TRPC5: variants seen among roughly 807,000 people sequenced by gnomAD.
TRPC5 encodes the protein transient receptor potential cation channel subfamily C member 5.
In TRPC5, 9 loss-of-function variants were observed where a neutral mutation model predicts 56.5. The observed-to-expected ratio is 0.16, with a 90% CI of 0.10 to 0.28. The LOEUF is 0.28. Among genes scored for constraint, TRPC5 ranks in the 10% least tolerant of loss-of-function variants. The probability of loss-of-function intolerance (pLI) is 1.00; values close to 1 mark genes in which losing one functional copy is unlikely to be tolerated. For synonymous variants in TRPC5, 282 were observed against 278.5 expected, an observed-to-expected ratio of 1.01 and a Z score of -0.13; for missense variants, 469 against 748.9, an observed-to-expected ratio of 0.63 and a Z score of 4.36.
chrX:111,821,852 A>G (rs894736079), intron 7 of TRPC5, among the ~76,000 whole-genome samples: 1 of 111,438 alleles, frequency 9.0e-6, no homozygotes, highest in African/African-American at 3.3e-5. Context: ...GACCAATTTA[A>G]GTAGGAAGGC....
At chrX:112,033,546 A>C (rs891419827) in intron 1 of TRPC5, among the ~76,000 whole-genome samples, 20 of 106,226 alleles carry the variant, frequency 1.9e-4, no homozygotes, top group African/African-American at 6.8e-4. Flanking sequence ...ATGAAGTCCA[A>C]ATTATTTATG....
At chrX:112,010,978 A>G in intron 1 of TRPC5, among the ~76,000 whole-genome samples, 1 of 112,122 alleles carries the variant, frequency 8.9e-6, no homozygotes, top group Middle Eastern at 4.6e-3. Flanking sequence ...AGGGGAGAGC[A>G]TGAGCAGTGT....
chrX:112,049,914 G>A (rs763383581), intron 1 of TRPC5, among the ~76,000 whole-genome samples: 16 of 112,360 alleles, frequency 1.4e-4, no homozygotes, highest in Non-Finnish European at 2.4e-4. Flanking sequence ...GGTGGCTCAC[G>A]CCTGTAATGC....
chrX:111,976,747 C>T (rs893097796), intron 1 of TRPC5, among the ~76,000 whole-genome samples: 1 of 110,992 alleles, frequency 9.0e-6, no homozygotes, highest in African/African-American at 3.3e-5. Flanking sequence ...ACAGAATTCA[C>T]ACACAAAAAA....
At chrX:111,959,859 G>T (rs1432780410) in intron 1 of TRPC5, among the ~76,000 whole-genome samples, 1 of 111,389 alleles carries the variant, frequency 9.0e-6, no homozygotes, top group Non-Finnish European at 1.9e-5. Context: ...CAGCCAGGAT[G>T]ATGTATCATA....
At chrX:112,044,777 G>A (rs1179015905) in intron 1 of TRPC5, among the ~76,000 whole-genome samples, 1 of 111,574 alleles carries the variant, frequency 9.0e-6, no homozygotes, top group Non-Finnish European at 1.9e-5. Flanking sequence ...CAGAATCCTC[G>A]CTAGCCTGTA....
chrX:111,939,360 C>CT (rs898489861), intron 2 of TRPC5, among the ~76,000 whole-genome samples: 11 of 110,896 alleles, frequency 9.9e-5, no homozygotes, highest in East Asian at 2.8e-4. Flanking sequence ...TTGTAGTTTT[C>CT]TTTTTTTGAT....
intron 1 of TRPC5, among the ~76,000 whole-genome samples, chrX:112,067,775 A>T (rs1434084227): frequency 8.9e-6 from 1 of 112,105 alleles, no homozygotes; most frequent in African/African-American, 3.2e-5. Flanking sequence ...TGGCAGGTGC[A>T]TTAAATGCTC....
chrX:111,975,151 A>G (rs924765297), intron 1 of TRPC5, among the ~76,000 whole-genome samples: 1 of 111,247 alleles, frequency 9.0e-6, no homozygotes, highest in African/African-American at 3.3e-5. Flanking sequence ...ACTGCTTGCC[A>G]GGGAATTGAG....
intron 7 of TRPC5, among the ~76,000 whole-genome samples, chrX:111,827,558 C>T (rs1569525994): frequency 9.0e-6 from 1 of 111,550 alleles, no homozygotes; most frequent in Non-Finnish European, 1.9e-5. Context: ...ACCAAAAAAC[C>T]TGGATGACAT....
chrX:111,992,818 G>C (rs1426608745), intron 1 of TRPC5, among the ~76,000 whole-genome samples: 1 of 109,858 alleles, frequency 9.1e-6, no homozygotes, highest in Non-Finnish European at 1.9e-5. Context: ...GGCCAGGCTT[G>C]TCTCAAACTC....
chrX:111,875,106 G>A (rs1193226264), intron 3 of TRPC5, among the ~76,000 whole-genome samples: 1 of 111,847 alleles, frequency 8.9e-6, no homozygotes, highest in African/African-American at 3.3e-5. Flanking sequence ...TAATAATACT[G>A]CTGATAGGGT....
In TRPC5 at chrX:112,082,588, G is replaced by A. The variant is rs1931000213; in HGVS notation, c.-731C>T. On this transcript the variant is annotated 5_prime_UTR_variant, in exon 1 of 11. Transcript: ENST00000262839. ...AGAAGGGGAGAGAAAAGCAAAGAGG[G>A]GTGGGGAGGGGAAAATCAAGGAGGC... The A allele has an allele frequency of 9.1e-6, 1 of 110,454 alleles. No individual in the cohort carries two copies. Among genetic ancestry groups the A allele is most frequent in the East Asian group, 2.9e-4 (1 of 3,446 alleles). 9.1% of individuals were successfully genotyped at this position (110,454 alleles called of 1,213,427 possible).
At chrX:111,821,885 T>A (rs1363861897) in intron 7 of TRPC5, among the ~76,000 whole-genome samples, 4 of 111,204 alleles carry the variant, frequency 3.6e-5, no homozygotes, top group African/African-American at 1.3e-4. Flanking sequence ...AAGGATCAAT[T>A]CTTTTTTTTT....
chrX:111,931,766 T>A (rs1378481915), intron 2 of TRPC5, among the ~76,000 whole-genome samples: 3 of 111,327 alleles, frequency 2.7e-5, no homozygotes, highest in Non-Finnish European at 3.8e-5. Context: ...GCTTACTAGA[T>A]GTATGAGCTT....
chrX:111,858,132 C>T (rs1033971863), intron 3 of TRPC5, among the ~76,000 whole-genome samples: 9 of 112,003 alleles, frequency 8.0e-5, no homozygotes, highest in African/African-American at 2.9e-4. Context: ...TTTTATTAAG[C>T]CACCATGTAG....
chrX:112,071,812 TTC>T (rs1419032542), intron 1 of TRPC5, among the ~76,000 whole-genome samples: 8 of 111,942 alleles, frequency 7.1e-5, no homozygotes, highest in African/African-American at 2.3e-4. Context: ...GCTTGTGGTT[TTC>T]TGTCCCCTGT....
intron 3 of TRPC5, among the ~76,000 whole-genome samples, chrX:111,905,027 A>G (rs1221595602): frequency 9.1e-6 from 1 of 109,295 alleles, no homozygotes; most frequent in Non-Finnish European, 1.9e-5. Context: ...TTCTAGTAGG[A>G]ATAATAATGA....
At chrX:111,921,990 G>A (rs1292612955) in intron 2 of TRPC5, among the ~76,000 whole-genome samples, 1 of 112,373 alleles carries the variant, frequency 8.9e-6, no homozygotes, top group Non-Finnish European at 1.9e-5. Flanking sequence ...GCTACAGTCA[G>A]CTTCTCTGTA....
Sources: allele counts gnomAD v4.1 joint callset (sites outside exome capture counted in the v4.1 genomes callset), GRCh38; gene constraint gnomAD v4.1.1; transcripts MANE v1.5; gene names NCBI Gene and HGNC (gene_info 2026-07-23, HGNC 2026-07-21).